The following IL4R variants were observed in gnomAD, a reference collection of about 807,000 sequenced individuals.
IL4R encodes the protein interleukin-4 receptor subunit alpha.
In IL4R, 17 loss-of-function variants were observed where a neutral mutation model predicts 41.5. The observed-to-expected ratio is 0.41, with a 90% CI of 0.28 to 0.61. The LOEUF (loss-of-function observed/expected upper bound fraction) is 0.61. Among genes scored for constraint, IL4R ranks in the 20% least tolerant of loss-of-function variants. IL4R has a pLI of 0.31. For synonymous variants in IL4R, 402 were observed against 422.9 expected (o/e 0.95, Z 0.61); for missense variants, 974 against 1,043.1 (o/e 0.93, Z 0.91).
At chr16:27,336,676 C>CAAAAA (rs67336687) in intron 2 of IL4R, among the ~76,000 whole-genome samples, 2 of 68,336 alleles carry the variant, frequency 2.9e-5, no homozygotes, top group African/African-American at 9.7e-5. Context: ...AACTCTGTCT[C>CAAAAA]AAAAAAAAAA....
chr16:27,314,171 C>A, intron 1 of IL4R, 151 bp downstream of exon 1: 1 of 913,702 alleles, frequency 1.1e-6, no homozygotes, highest in Non-Finnish European at 1.3e-6. Flanking sequence ...TCTCGGTGCG[C>A]GCGGAGCAGC....
In IL4R at chr16:27,363,613, C is replaced by T; in HGVS notation, c.2261C>T (p.Pro754Leu). 2 of 1,613,944 alleles carry T rather than the reference C, an allele frequency of 1.2e-6. No homozygotes were observed. The highest frequency in any genetic ancestry group is 1.1e-5 in the South Asian group (1 of 91,088). The part of the protein sequence containing the change: ...CGCCCGDRSS[P>L]PTTPLRAPDP... ...TGCTGCTGTGGAGACAGGTCCTCGC[C>T]CCCTACAACCCCCCTGAGGGCCCCA... is the stretch of plus-strand genomic sequence containing the variant. Residue 754 changes from proline to leucine, a missense_variant, in exon 11 of 11, where the codon CCC becomes CTC. By Grantham distance (98) the Pro-to-Leu change is moderately conservative. This residue lies in a region of IL4R where 682 missense variants were observed against 704.3 expected (regional missense o/e 0.97). Coordinates refer to ENST00000395762, the MANE Select transcript of IL4R (RefSeq NM_000418.4).
chr16:27,340,261 G>A lies in IL4R; in HGVS notation c.58G>A (p.Val20Met), dbSNP rs1191330149. The A allele has an allele frequency of 6.2e-7, 1 of 1,613,920 alleles. No homozygotes were observed. The highest frequency in any genetic ancestry group is 1.7e-5 in the Admixed American group (1 of 60,018). ...TGTGAGCTGCCTGGTCCTGCTGCAG[G>A]TGGCAAGCTCTGGTAAGTCACCACT... ...FPVSCLVLLQ[V>M]ASSGNMKVLQ... The change falls in exon 3 of 11, where the codon GTG becomes ATG. Residue 20 changes from valine (V) to methionine (M), a missense_variant. Physicochemically the swap from Val to Met is conservative, Grantham distance 21. This residue lies in a region of IL4R where 284 missense variants were observed against 313.4 expected (regional missense o/e 0.91). Transcript: ENST00000395762.
intron 1 of IL4R, among the ~76,000 whole-genome samples, chr16:27,320,840 C>T (rs2084792569): frequency 6.6e-6 from 1 of 152,316 alleles, no homozygotes; most frequent in Middle Eastern, 3.4e-3. Context: ...AGCCTCCCGA[C>T]GGTCTTGCCT....
intron 10 of IL4R, among the ~76,000 whole-genome samples, chr16:27,361,764 C>G (rs1405901071): frequency 6.6e-6 from 1 of 151,596 alleles, no homozygotes; most frequent in Non-Finnish European, 1.5e-5. Context: ...ACCAACATGC[C>G]CAGCTAATTT....
chr16:27,337,206 G>A (rs1166111421), intron 2 of IL4R, among the ~76,000 whole-genome samples: 1 of 151,862 alleles, frequency 6.6e-6, no homozygotes, highest in Non-Finnish European at 1.5e-5. Context: ...GCTGGGGGGA[G>A]GGCCTTCAAG....
At chr16:27,340,384 C>A in intron 3 of IL4R, 111 bp downstream of exon 3, 1 of 770,998 alleles carries the variant, frequency 1.3e-6, no homozygotes, top group East Asian at 2.7e-5. Context: ...AGGGGACAGC[C>A]AATGACAAGT....
At chr16:27,355,721 C>T (rs1311187492) in intron 7 of IL4R, 87 bp from the exon 8 acceptor site, 2 of 890,498 alleles carry the variant, frequency 2.2e-6, no homozygotes, top group African/African-American at 1.6e-5. Context: ...GGACGAGGGT[C>T]CTGACCCTGG....
chr16:27,341,967 A>G, intron 3 of IL4R, 154 bp from the exon 4 acceptor site: 2 of 716,116 alleles, frequency 2.8e-6, no homozygotes, highest in South Asian at 4.2e-5. Context: ...GGGAAGCTCC[A>G]GCAGCCCTGG....
intron 8 of IL4R, among the ~76,000 whole-genome samples, chr16:27,358,382 C>T (rs1596536922): frequency 2.6e-5 from 4 of 152,304 alleles, no homozygotes; most frequent in East Asian, 3.9e-4. Flanking sequence ...AATTCAGAAG[C>T]GGTCTGAGGA....
rs2086331479 is a variant in IL4R, at chr16:27,362,475, G to C, written c.1123G>C (p.Glu375Gln). 6.2e-7 allele frequency: 1 copy of C among 1,614,024 alleles called. No individual in the cohort carries two copies. The highest frequency in any genetic ancestry group is 8.5e-7 in the Non-Finnish European group (1 of 1,180,030). ...FEAPVECEEE[E>Q]EVEEEKGSFC... ...GGCCCCGGTGGAGTGTGAGGAGGAG[G>C]AGGAGGTAGAGGAAGAAAAAGGGAG... The change falls in exon 11 of 11, where the codon GAG (glutamate) becomes CAG (glutamine). Residue 375 changes from glutamate to glutamine, a missense_variant. Coordinates refer to ENST00000395762, the MANE Select transcript of IL4R (RefSeq NM_000418.4).
In IL4R at chr16:27,346,555, C is replaced by T; in HGVS notation, c.450C>T (p.Asp150=). The change falls in exon 6 of 11, where the codon GAC becomes GAT. Residue 150 remains aspartate (D), a synonymous_variant. Coordinates refer to ENST00000395762, the MANE Select transcript of IL4R (RefSeq NM_000418.4). The part of the protein sequence containing the change: ...LLTWSNPYPP[D]NYLYNHLTYA... The stretch of plus-strand genomic sequence containing the variant: ...CCTGGAGCAACCCGTATCCCCCTGA[C>T]AATTACCTGTATAATCATCTCACCT... The T allele has an allele frequency of 6.2e-7, 1 of 1,613,872 alleles. No homozygotes were observed. Among genetic ancestry groups the T allele is most frequent in the South Asian group, 1.1e-5 (1 of 91,078 alleles).
At chr16:27,340,380 C>A in intron 3 of IL4R, 107 bp downstream of exon 3, 1 of 782,542 alleles carries the variant, frequency 1.3e-6, no homozygotes, top group Non-Finnish European at 2.2e-6. Context: ...TGGGAGGGGA[C>A]AGCCAATGAC....
intron 7 of IL4R, chr16:27,354,901 C>G (rs964611458): frequency 1.2e-5 from 5 of 408,482 alleles, no homozygotes; most frequent in Admixed American, 5.0e-5. Context: ...CAGAACCCAG[C>G]ACAGAACCAG....
At chr16:27,316,499 G>A (rs1045564982) in intron 1 of IL4R, among the ~76,000 whole-genome samples, 1 of 152,146 alleles carries the variant, frequency 6.6e-6, no homozygotes, top group Non-Finnish European at 1.5e-5. Context: ...CCCACCTCTC[G>A]ACTGCCCTCA....
intron 7 of IL4R, 130 bp downstream of exon 7, chr16:27,352,826 G>C: frequency 1.1e-6 from 1 of 916,654 alleles, no homozygotes; most frequent in Non-Finnish European, 1.7e-6. Context: ...CCTGCCATTA[G>C]ATACACCTGC....
intron 7 of IL4R, chr16:27,355,042 T>C: frequency 2.1e-6 from 1 of 467,620 alleles, no homozygotes; most frequent in Non-Finnish European, 4.5e-6. Context: ...GAGTTCCTCC[T>C]ACATGGCTAG....
intron 8 of IL4R, among the ~76,000 whole-genome samples, chr16:27,357,741 C>T (rs1217263549): frequency 6.6e-6 from 1 of 152,130 alleles, no homozygotes; most frequent in East Asian, 1.9e-4. Flanking sequence ...TGGGTACAGG[C>T]ATGAGCCACT....
At chr16:27,359,518 T>C (rs1378479354) in intron 9 of IL4R, among the ~76,000 whole-genome samples, 1 of 152,020 alleles carries the variant, frequency 6.6e-6, no homozygotes, top group African/African-American at 2.4e-5. Context: ...CTGAGCAAGA[T>C]GAGAGTTCTC....
Sources: gnomAD v4.1 joint callset for allele counts (sites outside exome capture counted in the v4.1 genomes callset) on GRCh38, gnomAD v4.1.1 for gene constraint, gnomAD v4.1.1 regional missense constraint, MANE v1.5 for transcripts, NCBI Gene and HGNC (gene_info 2026-07-23, HGNC 2026-07-21) for gene names.